Variants in EPB41 observed in about 807,000 individuals in gnomAD.
EPB41 encodes the protein protein 4.1.
A neutral mutation model predicts 108.0 loss-of-function variants in EPB41; 65 were observed. The ratio of observed to expected loss-of-function variants is 0.60; its 90% CI spans 0.49 to 0.74. EPB41 has a LOEUF of 0.74. Ranked by LOEUF, EPB41 falls within the 30% of genes least tolerant of loss-of-function variation. EPB41 has a pLI of 0.00. For synonymous variants in EPB41, 336 were observed against 358.9 expected (o/e 0.94, Z 0.72); for missense variants, 875 against 1,037.0 (o/e 0.84, Z 2.15).
intron 1 of EPB41, among the ~76,000 whole-genome samples, chr1:28,984,578 G>C (rs1432256776): frequency 6.6e-6 from 1 of 151,796 alleles, no homozygotes; most frequent in Non-Finnish European, 1.5e-5. Flanking sequence ...AAATTTACTT[G>C]AATAAATTTA....
chr1:29,089,922 A>G (rs941744131), intron 16 of EPB41, among the ~76,000 whole-genome samples: 2 of 152,154 alleles, frequency 1.3e-5, no homozygotes, highest in African/African-American at 2.4e-5. Flanking sequence ...GAAAGGAAAG[A>G]AGAAAAACCG....
intron 1 of EPB41, among the ~76,000 whole-genome samples, chr1:28,941,905 A>G (rs2094304262): frequency 6.6e-6 from 1 of 151,164 alleles, no homozygotes. Context: ...AAAAAAAAAA[A>G]AAAAAAAAAA....
At chr1:28,999,946 G>A (rs150168722) in intron 4 of EPB41, among the ~76,000 whole-genome samples, 23 of 152,108 alleles carry the variant, frequency 1.5e-4, no homozygotes, top group African/African-American at 4.8e-4. Context: ...ACCATGCTTG[G>A]CCAATTTTTA....
intron 3 of EPB41, among the ~76,000 whole-genome samples, chr1:28,994,518 A>G (rs1462922229): frequency 6.6e-6 from 1 of 152,128 alleles, no homozygotes; most frequent in Non-Finnish European, 1.5e-5. Flanking sequence ...ATATTTTTCA[A>G]ACTGGAACAG....
chr1:29,001,931 C>T (rs758952080), intron 4 of EPB41, among the ~76,000 whole-genome samples: 32 of 152,030 alleles, frequency 2.1e-4, no homozygotes, highest in Non-Finnish European at 3.4e-4. Context: ...TAGCATATTG[C>T]CTGGGCTGAA....
At chr1:29,062,790 A>G (rs546392221) in intron 15 of EPB41, among the ~76,000 whole-genome samples, 13 of 152,066 alleles carry the variant, frequency 8.5e-5, no homozygotes, top group Non-Finnish European at 1.3e-4. Flanking sequence ...ACCTGTAGCA[A>G]GTTGTCTATG....
At chr1:28,963,155 T>C (rs1158722433) in intron 1 of EPB41, among the ~76,000 whole-genome samples, 2 of 152,070 alleles carry the variant, frequency 1.3e-5, no homozygotes, top group African/African-American at 2.4e-5. Context: ...AACAAGTTTG[T>C]TTTTTTATAT....
At chr1:29,069,222 G>A in intron 16 of EPB41, 8 of 1,231,556 alleles carry the variant, frequency 6.5e-6, no homozygotes, top group Non-Finnish European at 8.1e-6. Context: ...AAGAACCAGT[G>A]TTGAACTTCC....
chr1:28,955,633 C>T (rs565241694), intron 1 of EPB41, among the ~76,000 whole-genome samples: 1 of 152,152 alleles, frequency 6.6e-6, no homozygotes, highest in South Asian at 2.1e-4. Flanking sequence ...GTGAGCCCAC[C>T]ACGCCCAGCC....
chr1:28,919,543 A>T (rs1032053887), intron 1 of EPB41, among the ~76,000 whole-genome samples: 2 of 151,722 alleles, frequency 1.3e-5, no homozygotes, highest in Non-Finnish European at 2.9e-5. Context: ...GGCTCACTGC[A>T]ACCTCTGCCT....
At chr1:28,909,078 G>A (rs2092068118) in intron 1 of EPB41, among the ~76,000 whole-genome samples, 1 of 148,414 alleles carries the variant, frequency 6.7e-6, no homozygotes, top group Admixed American at 6.8e-5. Context: ...AGAATCTCTT[G>A]ATTCTGGAAG....
rs145412936 is a variant in EPB41 at position 28,906,112 on chromosome 1, C to G, written c.-8+18902C>G. 2.2e-3 allele frequency among the ~76,000 whole-genome samples: 338 copies of G among 152,290 alleles called. 1 individual carries two copies. The highest frequency in any genetic ancestry group is 7.7e-3 in the African/African-American group (319 of 41,564). On this transcript the variant is annotated intron_variant, in intron 1 of 16. Coordinates refer to the EPB41 transcript ENST00000347529. ...GGGATTATAGGCGTGAGCCACTGTG[C>G]GTGGCCCCAATTTCTCAATTTCTTC...
intron 16 of EPB41, among the ~76,000 whole-genome samples, chr1:29,082,658 GACA>G (rs1657205904): frequency 1.3e-5 from 2 of 152,144 alleles, no homozygotes; most frequent in Non-Finnish European, 2.9e-5. Flanking sequence ...TGGTCTGTTA[GACA>G]TGCTTAGTAT....
intron 16 of EPB41, among the ~76,000 whole-genome samples, chr1:29,087,217 A>C (rs1659413981): frequency 6.6e-6 from 1 of 152,134 alleles, no homozygotes; most frequent in Non-Finnish European, 1.5e-5. Context: ...CTGGGATTAC[A>C]GGTGTGAGCC....
chr1:28,929,613 T>C (rs1375183148), intron 1 of EPB41, among the ~76,000 whole-genome samples: 1 of 144,014 alleles, frequency 6.9e-6, no homozygotes. Context: ...CTCACCGCAA[T>C]CTCTGCCTCC....
chr1:28,944,873 G>A (rs1473234572), intron 1 of EPB41, among the ~76,000 whole-genome samples: 2 of 151,326 alleles, frequency 1.3e-5, no homozygotes. Context: ...AGGACTGCTT[G>A]AGCTCAGGAG....
At chr1:29,097,762 T>A (rs781240198) in intron 16 of EPB41, 45 bp from the exon 17 acceptor site, 1 of 1,608,844 alleles carries the variant, frequency 6.2e-7, no homozygotes, top group Admixed American at 1.7e-5. Context: ...ACTTCTCCAT[T>A]GCCTTCAGAA....
intron 4 of EPB41, among the ~76,000 whole-genome samples, chr1:29,011,277 A>G (rs2096496636): frequency 6.6e-6 from 1 of 152,094 alleles, no homozygotes; most frequent in African/African-American, 2.4e-5. Context: ...AGTCAGGAGA[A>G]TTGCTTGAAC....
Position 28,887,742 on chromosome 1 carries a change from C to G in EPB41, c.-8+532C>G. ...CCGGACCCAGGAACCGACCCGCCAG[C>G]TGGGGCGCCGGCTGTGCCCGCCAGG... On this transcript the variant is annotated intron_variant, in intron 1 of 16. Transcript: ENST00000347529. This position sits in a 1 kb window ranked among gnomAD's most constrained non-coding sequence, Gnocchi z 4.9. 1 of 964,962 alleles carries G rather than the reference C, an allele frequency of 1.0e-6. No individual in the cohort carries two copies. The highest frequency in any genetic ancestry group is 1.2e-6 in the Non-Finnish European group (1 of 811,270). The allele number at this position is 964,962 out of a possible 1,614,324, so 59.8% of individuals were successfully genotyped here. A position where few individuals can be genotyped will look rare whatever the true frequency, so the allele number is the denominator to read the frequency against.
Sources: allele counts gnomAD v4.1 joint callset (sites outside exome capture counted in the v4.1 genomes callset), GRCh38; gene constraint gnomAD v4.1.1; non-coding constraint Gnocchi (gnomAD v3.1); transcripts MANE v1.5; gene names NCBI Gene and HGNC (gene_info 2026-07-23, HGNC 2026-07-21).